ZDHHC4: variants seen among roughly 807,000 people sequenced by gnomAD.
ZDHHC4 encodes the protein palmitoyltransferase ZDHHC4.
ZDHHC4 carries 42 observed loss-of-function variants against 36.7 expected under a neutral mutation model. The observed-to-expected ratio is 1.14, with a 90% CI of 0.89 to 1.48. The LOEUF (loss-of-function observed/expected upper bound fraction) is 1.48, where lower values mean the gene tolerates loss of function less well. Ranked by LOEUF, ZDHHC4 falls within the 40% of genes most tolerant of loss-of-function variation. The pLI, the probability that ZDHHC4 is intolerant of heterozygous loss-of-function variation, is 0.00. For synonymous variants in ZDHHC4, 189 were observed against 166.6 expected (o/e 1.13, Z -1.03); for missense variants, 457 against 421.5 (o/e 1.08, Z -0.74).
chr7:6,583,505 T>G, intron 6 of ZDHHC4, 74 bp downstream of exon 6: 1 of 1,541,196 alleles, frequency 6.5e-7, no homozygotes, highest in Non-Finnish European at 8.7e-7. Context: ...AGGGAATGTT[T>G]CCTGAATCCG....
chr7:6,578,799 C>T (rs890460718), intron 2 of ZDHHC4, 79 bp downstream of exon 2: 3 of 152,208 alleles, frequency 2.0e-5, no homozygotes, highest in African/African-American at 7.2e-5. Context: ...TGAATAGCTT[C>T]TTGTTTGGTT....
chr7:6,580,906 A>G (rs1463734387), intron 3 of ZDHHC4: 1 of 527,418 alleles, frequency 1.9e-6, no homozygotes, highest in East Asian at 3.2e-5. Context: ...ACAGAGTGAG[A>G]CCCTGTCTCA....
At chr7:6,579,430 G>A (rs1447315766) in intron 2 of ZDHHC4, among the ~76,000 whole-genome samples, 1 of 152,138 alleles carries the variant, frequency 6.6e-6, no homozygotes, top group African/African-American at 2.4e-5. Context: ...TCGAACTCCT[G>A]ACCTCGTGAT....
intron 3 of ZDHHC4, 77 bp downstream of exon 3, chr7:6,580,755 C>G: frequency 3.5e-6 from 5 of 1,421,372 alleles, no homozygotes; most frequent in Admixed American, 3.5e-5. Context: ...TGCTACAGGA[C>G]AAAAAAGAGA....
intron 3 of ZDHHC4, chr7:6,581,103 T>G: frequency 3.9e-6 from 1 of 254,644 alleles, no homozygotes; most frequent in East Asian, 1.1e-4. Flanking sequence ...TGGGCATGGA[T>G]GTGAGCAGGG....
Position 6,583,195 on chromosome 7 carries a change from T to G in ZDHHC4, c.371-111T>G, listed in dbSNP as rs1402429711. 20 of 1,229,618 alleles carry G rather than the reference T, an allele frequency of 1.6e-5. No homozygotes were observed. In the Admixed American group the frequency reaches 3.8e-4, roughly 24 times the overall value. The allele number at this position is 1,229,618 out of a possible 1,614,324, so 76.2% of individuals were successfully genotyped here. A position where few individuals can be genotyped will look rare whatever the true frequency, so the allele number is the denominator to read the frequency against. ...ACTGTCTCAAAAAAAAAAAAAGAAT[T>G]ACTTACGATATTAAAGATAGCAGTT... On this transcript the variant is annotated intron_variant, in intron 5 of 7. Coordinates refer to ENST00000335965, the MANE Select transcript of ZDHHC4 (RefSeq NM_001134389.2).
At chr7:6,582,032 G>T (rs1231642843) in intron 4 of ZDHHC4, 41 bp from the exon 5 acceptor site, 1 of 1,581,136 alleles carries the variant, frequency 6.3e-7, no homozygotes, top group Non-Finnish European at 8.6e-7. Flanking sequence ...ATTTCTTCAA[G>T]AAGAAACCCC....
chr7:6,577,672 AC>A (rs1196599162), intron 1 of ZDHHC4, 174 bp downstream of exon 1: 1 of 152,024 alleles, frequency 6.6e-6, no homozygotes, highest in African/African-American at 2.4e-5. Context: ...ACGTCCCCCT[AC>A]CAGGGCTCCA....
In ZDHHC4 at chr7:6,585,527, G is replaced by A. The variant is rs1781181523; in HGVS notation, c.741+267G>A. On this transcript the variant is annotated intron_variant, in intron 7 of 7. Transcript: ENST00000335965. ...AAAAATACAAAAATGAGCCAGGGCCGGGTGCAGTGGCTCATGCCTGTAATC... is the reference window on the plus strand; with the variant it reads ...AAAAATACAAAAATGAGCCAGGGCCAGGTGCAGTGGCTCATGCCTGTAATC... 3.3e-5 allele frequency among the ~76,000 whole-genome samples: 5 copies of A among 152,084 alleles called. No individual in the cohort carries two copies. In the East Asian group the frequency reaches 7.7e-4, roughly 24 times the overall value.
rs1781135130 is a variant in ZDHHC4, at chr7:6,584,996, G to A, written c.497-20G>A. On this transcript the variant is annotated intron_variant, in intron 6 of 7. Transcript: ENST00000335965. The stretch of plus-strand genomic sequence containing the variant: ...CTCGTCAAGCACCATCCCAGCACGT[G>A]CCCCCTTGTTTCTGTGCAGGTGTGT... The A allele has an allele frequency of 2.5e-6, 4 of 1,612,432 alleles. No individual in the cohort carries two copies. Among genetic ancestry groups the A allele is most frequent in the Non-Finnish European group, 2.5e-6 (3 of 1,178,722 alleles).
rs900144499 is a variant in ZDHHC4 at position 6,589,051 on chromosome 7, G to C, written c.*141G>C. ...TGGGCAAGGGAGAGAGGGGAAAATG[G>C]GTGTTGACTGAGGAATCCCCCTTGC... On this transcript the variant is annotated 3_prime_UTR_variant, in exon 8 of 8. Coordinates refer to ENST00000335965, the MANE Select transcript of ZDHHC4 (RefSeq NM_001134389.2). 2 of 1,051,574 alleles carry C rather than the reference G, an allele frequency of 1.9e-6. No homozygotes were observed. Among genetic ancestry groups the C allele is most frequent in the African/African-American group, 3.2e-5 (2 of 62,732 alleles). The allele number at this position is 1,051,574 out of a possible 1,614,324, so 65.1% of individuals were successfully genotyped here.
rs1249095761 is a variant in ZDHHC4 at position 6,585,170 on chromosome 7, C to T, written c.651C>T (p.Val217=). The change falls in exon 7 of 8, where the codon GTC becomes GTT. Residue 217 remains valine (V), a synonymous_variant. Transcript: ENST00000335965. ...TVAIVSTTFL[V]HLVVMSDLYQ... is the part of the protein sequence containing the mutation. ...CCATTGTGAGCACCACTTTTCTGGTCCACTTGGTGGTGATGTCAGATTTAT... is the reference window on the plus strand; with the variant it reads ...CCATTGTGAGCACCACTTTTCTGGTTCACTTGGTGGTGATGTCAGATTTAT... The T allele has an allele frequency of 1.2e-6, 2 of 1,614,052 alleles. No individual in the cohort carries two copies. The highest frequency in any genetic ancestry group is 2.7e-5 in the African/African-American group (2 of 74,922).
At position 6,582,187 on chromosome 7, in the gene ZDHHC4, T is replaced by C. The variant is rs1216530538; in HGVS notation, c.306T>C (p.Leu102=). The change falls in exon 5 of 8, where the codon CTT becomes CTC. Residue 102 remains leucine (L), a synonymous_variant. Coordinates refer to ENST00000335965, the MANE Select transcript of ZDHHC4 (RefSeq NM_001134389.2). ...TGGAGTTGTCCTTGCATTACCTTCT[T>C]CTGCCCTATCTGCTGCTAGGTGTAA... ...QELELSLHYL[L]LPYLLLGVNL... The C allele has an allele frequency of 6.2e-7, 1 of 1,614,170 alleles. No individual in the cohort carries two copies. Among genetic ancestry groups the C allele is most frequent in the South Asian group, 1.1e-5 (1 of 91,082 alleles).
intron 6 of ZDHHC4, chr7:6,584,789 C>A: frequency 1.7e-6 from 1 of 572,970 alleles, no homozygotes; most frequent in Non-Finnish European, 3.0e-6. Flanking sequence ...ATGCCGCCAC[C>A]ACCTCAGATT....
At chr7:6,582,021 A>G in intron 4 of ZDHHC4, 52 bp from the exon 5 acceptor site, 2 of 1,563,652 alleles carry the variant, frequency 1.3e-6, no homozygotes, top group Non-Finnish European at 1.7e-6. Flanking sequence ...AGTATCATAC[A>G]ATTTCTTCAA....
intron 7 of ZDHHC4, among the ~76,000 whole-genome samples, chr7:6,585,775 C>G (rs190646028): frequency 5.4e-4 from 83 of 152,318 alleles, no homozygotes; most frequent in African/African-American, 2.0e-3. Flanking sequence ...CACTGCACTC[C>G]AGCCTGGGTG....
chr7:6,580,652 A>C lies in ZDHHC4; in HGVS notation c.91A>C (p.Lys31Gln). The C allele has an allele frequency of 6.2e-7, 1 of 1,614,126 alleles. No homozygotes were observed. The highest frequency in any genetic ancestry group is 8.5e-7 in the Non-Finnish European group (1 of 1,180,006). ...CGTCTGCTCGAAAACCCATAGCTTG[A>C]AAGGCCTGGCCAGGGGAGGAGCACA... ...ICVCSKTHSL[K>Q]GLARGGAQIF... The change falls in exon 3 of 8, where the codon AAA becomes CAA. Residue 31 changes from lysine (K) to glutamine (Q), a missense_variant. By Grantham distance (53) the Lys-to-Gln change is moderately conservative. Coordinates refer to ENST00000335965, the MANE Select transcript of ZDHHC4 (RefSeq NM_001134389.2).
intron 7 of ZDHHC4, 103 bp downstream of exon 7, chr7:6,585,363 C>A (rs1382898030): frequency 1.2e-5 from 18 of 1,476,074 alleles, no homozygotes; most frequent in Non-Finnish European, 1.5e-5. Flanking sequence ...GTGGCTCACG[C>A]CTATAATCCC....
chr7:6,583,446 C>A lies in ZDHHC4; in HGVS notation c.496+15C>A, dbSNP rs377497863. On this transcript the variant is annotated intron_variant, in intron 6 of 7. Coordinates refer to ENST00000335965, the MANE Select transcript of ZDHHC4 (RefSeq NM_001134389.2). ...CAAGCACTGCAGTGAGTGTGGCTCT[C>A]GTGACTCCAGCGGCACCTCCAACAG... The A allele has an allele frequency of 6.3e-7, 1 of 1,599,186 alleles. No homozygotes were observed. The highest frequency in any genetic ancestry group is 1.7e-5 in the Admixed American group (1 of 57,926).
Sources: allele counts gnomAD v4.1 joint callset (sites outside exome capture counted in the v4.1 genomes callset), GRCh38; gene constraint gnomAD v4.1.1; transcripts MANE v1.5; gene names NCBI Gene and HGNC (gene_info 2026-07-23, HGNC 2026-07-21).